GABRR1: variants seen among roughly 807,000 people sequenced by gnomAD.
GABRR1 encodes gamma-aminobutyric acid receptor subunit rho-1.
In GABRR1, 59 loss-of-function variants were observed where a neutral mutation model predicts 55.5. The observed-to-expected ratio is 1.06, with a 90% confidence interval of 0.86 to 1.32. The LOEUF (loss-of-function observed/expected upper bound fraction) is 1.32, where lower values mean the gene tolerates loss of function less well. Ranked by LOEUF, GABRR1 falls within the 40% of genes most tolerant of loss-of-function variation. The probability of loss-of-function intolerance (pLI) is 0.00; values close to 1 mark genes in which losing one functional copy is unlikely to be tolerated. For missense variants in GABRR1, 602 were observed against 619.1 expected (o/e 0.97, Z 0.29); for synonymous variants, 213 against 226.0 (o/e 0.94, Z 0.51).
At chr6:89,196,337 C>G (rs987571022) in intron 5 of GABRR1, among the ~76,000 whole-genome samples, 3 of 147,248 alleles carry the variant, frequency 2.0e-5, no homozygotes, top group Admixed American at 6.6e-5. Flanking sequence ...GCATACTTTC[C>G]CCCCAGGTAA....
chr6:89,223,413 T>C (rs889618100), intron 1 of GABRR1, among the ~76,000 whole-genome samples: 5 of 152,214 alleles, frequency 3.3e-5, no homozygotes, highest in African/African-American at 9.6e-5. Flanking sequence ...TATTCCATTG[T>C]ATATATATGC....
chr6:89,212,437 G>GCA (rs2127806692), intron 1 of GABRR1, among the ~76,000 whole-genome samples: 1 of 34,628 alleles, frequency 2.9e-5, no homozygotes, highest in South Asian at 1.1e-3. Context: ...TCTCTGAAAT[G>GCA]GAAATCTGCT....
Position 89,180,488 on chromosome 6 carries a change from C to A in GABRR1, c.950G>T (p.Gly317Val). The change falls in exon 9 of 10, where the codon GGT becomes GTT. Residue 317 changes from glycine (G) to valine (V), a missense_variant and splice_region_variant. By Grantham distance (109) the Gly-to-Val change is moderately radical. This residue lies in a region of GABRR1 where 435 missense variants were observed against 424.2 expected (regional missense o/e 1.03). Transcript: ENST00000454853. ...RRAVPARVPLGITTVLTMSTI... is the reference protein window; with the variant it reads ...RRAVPARVPLVITTVLTMSTI... ...GGACATGGTCAGCACCGTTGTGATA[C>A]CTGCAAACACAAGAATGAGAAACAA... 1 of 1,612,128 alleles carries A rather than the reference C, an allele frequency of 6.2e-7. No homozygotes were observed. The highest frequency in any genetic ancestry group is 8.5e-7 in the Non-Finnish European group (1 of 1,179,242).
Position 89,180,412 on chromosome 6 carries a change from C to T in GABRR1, c.1026G>A (p.Lys342=), listed in dbSNP as rs1331648101. The T allele has an allele frequency of 6.2e-7, 1 of 1,613,832 alleles. No individual in the cohort carries two copies. Among genetic ancestry groups the T allele is most frequent in the Non-Finnish European group, 8.5e-7 (1 of 1,179,898 alleles). ...NASMPRVSYI[K]AVDIYLWVSF... ...TGACCCAGAGGTAGATGTCCACGGC[C>T]TTGATGTAGGAGACGCGCGGCATGG... The change falls in exon 9 of 10, where the codon AAG becomes AAA. Residue 342 remains lysine (K), a synonymous_variant. Transcript: ENST00000454853.
rs146686910 is a variant in GABRR1 at position 89,201,251 on chromosome 6, C to T, written c.188G>A (p.Arg63Gln). The change falls in exon 3 of 10, where the codon CGA becomes CAA. Residue 63 changes from arginine to glutamine, a missense_variant. Physicochemically the swap from Arg to Gln is conservative, Grantham distance 43. Transcript: ENST00000454853. ...AHKQVSPILRRSPDITKSPLT... is the reference protein window; with the variant it reads ...AHKQVSPILRQSPDITKSPLT... ...AGGCGATTTGGTGATGTCAGGACTTCGTCTCAGAATTGGGCTGCCAAGGGG... is the reference window on the plus strand; with the variant it reads ...AGGCGATTTGGTGATGTCAGGACTTTGTCTCAGAATTGGGCTGCCAAGGGG... The T allele has an allele frequency of 2.7e-4, 437 of 1,613,854 alleles. 3 individuals are homozygous for T. In the Middle Eastern group the frequency reaches 3.1e-3, roughly 12 times the overall value.
intron 5 of GABRR1, among the ~76,000 whole-genome samples, chr6:89,192,111 C>T (rs1772112306): frequency 1.3e-5 from 2 of 152,154 alleles, no homozygotes; most frequent in Admixed American, 6.5e-5. Context: ...TCTCTTCCCA[C>T]ACAGGTGGAA....
intron 5 of GABRR1, among the ~76,000 whole-genome samples, chr6:89,196,708 T>A (rs917855249): frequency 1.3e-5 from 2 of 151,322 alleles, no homozygotes; most frequent in African/African-American, 4.9e-5. Context: ...GCCTGGGAGG[T>A]TGAGGCTGCA....
chr6:89,199,557 A>C (rs1772401220), intron 3 of GABRR1, 128 bp from the exon 4 acceptor site: 4 of 758,654 alleles, frequency 5.3e-6, no homozygotes, highest in Middle Eastern at 2.3e-4. Context: ...TGGTCATGGC[A>C]ACCTGAAGTC....
rs573905142 is a variant in GABRR1 at position 89,192,594 on chromosome 6, G to A, written c.573-2347C>T. On this transcript the variant is annotated intron_variant, in intron 5 of 9. Coordinates refer to ENST00000454853, the MANE Select transcript of GABRR1 (RefSeq NM_002042.5). Reference sequence around the variant, plus strand: ...TTTTTTTTTTTTTTGAGACAGTCTCGCTCTGTCGCCCAGGCTGGAGTGCAG... The same window carrying A: ...TTTTTTTTTTTTTTGAGACAGTCTCACTCTGTCGCCCAGGCTGGAGTGCAG... 7.7e-5 allele frequency among the ~76,000 whole-genome samples: 10 copies of A among 130,610 alleles called. No homozygotes were observed. The South Asian group carries it at 1.8e-3, about 24-fold the overall frequency. The allele number at this position is 130,610 out of a possible 152,430, so 85.7% of individuals were successfully genotyped here. A position where few individuals can be genotyped will look rare whatever the true frequency, so the allele number is the denominator to read the frequency against.
rs761369953 is a variant in GABRR1 at position 89,203,422 on chromosome 6, C to T, written c.173+13G>A. Reference sequence around the variant, plus strand: ...ACATCTGCAGAACAGTGTGCACGTGCTTATGGCCATACCTGACTTGCTTGT... The same window carrying T: ...ACATCTGCAGAACAGTGTGCACGTGTTTATGGCCATACCTGACTTGCTTGT... On this transcript the variant is annotated intron_variant, in intron 2 of 9. Transcript: ENST00000454853. The T allele has an allele frequency of 6.2e-7, 1 of 1,611,772 alleles. No individual in the cohort carries two copies. The highest frequency in any genetic ancestry group is 8.5e-7 in the Non-Finnish European group (1 of 1,177,950).
chr6:89,179,211 G>GT, intron 9 of GABRR1, 148 bp from the exon 10 acceptor site: 3 of 833,232 alleles, frequency 3.6e-6, no homozygotes, highest in East Asian at 2.7e-5. Flanking sequence ...TTTTGTTTTT[G>GT]TTTTTGTTTT....
intron 1 of GABRR1, among the ~76,000 whole-genome samples, chr6:89,214,453 T>C (rs1382010420): frequency 6.6e-6 from 1 of 151,738 alleles, no homozygotes; most frequent in African/African-American, 2.4e-5. Flanking sequence ...ACTAATGCAG[T>C]GAAGAGACAA....
chr6:89,196,429 G>A (rs1426484384), intron 5 of GABRR1, among the ~76,000 whole-genome samples: 1 of 152,058 alleles, frequency 6.6e-6, no homozygotes, highest in Non-Finnish European at 1.5e-5. Flanking sequence ...GTGCCATTGA[G>A]TTGTGTTGTT....
chr6:89,195,724 C>T (rs401184), intron 5 of GABRR1, among the ~76,000 whole-genome samples: 67,431 of 151,490 alleles, frequency 0.45, 15,888 homozygotes, highest in East Asian at 0.91. Context: ...AGTATTTCAC[C>T]ACATTTTATT....
chr6:89,198,148 C>A lies in GABRR1; in HGVS notation c.444G>T (p.Arg148=), dbSNP rs1203949373. Residue 148 remains arginine (R), a synonymous_variant, in exon 5 of 10, where the codon CGG becomes CGT. Transcript: ENST00000454853. The part of the protein sequence containing the change: ...TNNLSMTFDG[R]LVKKIWVPDM... ...CAGGGACCCAGATCTTCTTGACCAG[C>A]CGGCCGTCAAACGTCATGCTGAGGT... 1 of 1,614,026 alleles carries A rather than the reference C, an allele frequency of 6.2e-7. No homozygotes were observed. The highest frequency in any genetic ancestry group is 1.3e-5 in the African/African-American group (1 of 75,006).
chr6:89,189,286 A>T (rs1266630706), intron 6 of GABRR1, among the ~76,000 whole-genome samples: 1 of 151,076 alleles, frequency 6.6e-6, no homozygotes, highest in African/African-American at 2.4e-5. Context: ...GATAGACTGG[A>T]TTAAGAAAAT....
chr6:89,188,036 C>G (rs1268871474), intron 6 of GABRR1, among the ~76,000 whole-genome samples: 3 of 148,888 alleles, frequency 2.0e-5, no homozygotes, highest in Admixed American at 6.7e-5. Flanking sequence ...TTTTTTTAGA[C>G]ATGGGGGTCT....
intron 6 of GABRR1, 56 bp downstream of exon 6, chr6:89,190,109 A>G: frequency 8.4e-7 from 1 of 1,188,584 alleles, no homozygotes; most frequent in Non-Finnish European, 1.2e-6. Context: ...TGAGAGTTAG[A>G]GGTGTTGAGA....
At chr6:89,184,349 T>C (rs925879361) in intron 7 of GABRR1, among the ~76,000 whole-genome samples, 3 of 149,518 alleles carry the variant, frequency 2.0e-5, no homozygotes, top group African/African-American at 7.4e-5. Flanking sequence ...AGGCAAGAAA[T>C]GAAGCAAGTT....
Sources: gnomAD v4.1 joint callset for allele counts (sites outside exome capture counted in the v4.1 genomes callset) on GRCh38, gnomAD v4.1.1 for gene constraint, gnomAD v4.1.1 regional missense constraint, MANE v1.5 for transcripts, NCBI Gene and HGNC (gene_info 2026-07-23, HGNC 2026-07-21) for gene names.